Variants in MYO1E observed in about 807,000 individuals in gnomAD.
MYO1E encodes unconventional myosin-Ie.
A neutral mutation model predicts 151.1 loss-of-function variants in MYO1E; 68 were observed. That is an observed-to-expected ratio of 0.45 (90% CI 0.37 to 0.55). The LOEUF (loss-of-function observed/expected upper bound fraction) is 0.55, where lower values mean the gene tolerates loss of function less well. MYO1E is among the 20% of genes least tolerant of loss of function. The pLI is 0.00. For missense variants in MYO1E, 1,363 were observed against 1,389.3 expected, an observed-to-expected ratio of 0.98 and a Z score of 0.30; for synonymous variants, 601 against 501.7, an observed-to-expected ratio of 1.20 and a Z score of -2.64.
chr15:59,280,312 TC>T (rs1390855077), intron 1 of MYO1E, among the ~76,000 whole-genome samples: 1 of 152,234 alleles, frequency 6.6e-6, no homozygotes, highest in Non-Finnish European at 1.5e-5. Flanking sequence ...TTTCACATTT[TC>T]ACATTTTGAA....
intron 4 of MYO1E, among the ~76,000 whole-genome samples, chr15:59,249,071 C>T (rs1180393905): frequency 1.3e-5 from 2 of 152,194 alleles, no homozygotes; most frequent in Non-Finnish European, 1.5e-5. Context: ...ACCTAGGCTT[C>T]CATGGAGCCC....
intron 1 of MYO1E, among the ~76,000 whole-genome samples, chr15:59,291,678 A>G (rs1307331367): frequency 4.2e-5 from 6 of 141,308 alleles, no homozygotes; most frequent in Non-Finnish European, 7.6e-5. Context: ...TCTACTAAAA[A>G]TACTAAAAAA....
intron 1 of MYO1E, among the ~76,000 whole-genome samples, chr15:59,294,939 T>C (rs2080440398): frequency 6.6e-6 from 1 of 152,156 alleles, no homozygotes; most frequent in Admixed American, 6.5e-5. Context: ...ATGCAAATGC[T>C]ACCTCTTTAA....
At position 59,350,082 on chromosome 15, in the gene MYO1E, TATTA is replaced by T. The variant is rs2080815692; in HGVS notation, c.3+22412_3+22415del. Among the ~76,000 whole-genome samples, 3 of 152,348 alleles carry T rather than the reference TATTA, an allele frequency of 2.0e-5. No homozygotes were observed. Among genetic ancestry groups the T allele is most frequent in the Non-Finnish European group, 2.9e-5 (2 of 68,028 alleles). ...TATCTAAGGCATTTTATAATTTTCT[TATTA>T]ATTGTCAATACATCACCACTTGAAT... On this transcript the variant is annotated intron_variant, in intron 1 of 27. Transcript: ENST00000288235. This position sits in a 1 kb window ranked among gnomAD's most constrained non-coding sequence, Gnocchi z 5.0.
intron 19 of MYO1E, among the ~76,000 whole-genome samples, chr15:59,176,501 G>T (rs1262505416): frequency 2.2e-5 from 3 of 133,712 alleles, no homozygotes; most frequent in African/African-American, 8.5e-5. Flanking sequence ...TTGATCTGTT[G>T]CCCAGGCTGG....
intron 14 of MYO1E, chr15:59,206,598 G>A (rs1482826489): frequency 7.5e-6 from 2 of 264,972 alleles, no homozygotes; most frequent in African/African-American, 2.2e-5. Context: ...GTTAACAGAA[G>A]CATGTTTCCT....
At chr15:59,246,384 G>A (rs529375593) in intron 4 of MYO1E, among the ~76,000 whole-genome samples, 6 of 152,276 alleles carry the variant, frequency 3.9e-5, no homozygotes, top group East Asian at 3.9e-4. Context: ...GATTACAGGC[G>A]TGAGCCACCA....
rs1235201743 is a variant in MYO1E, at chr15:59,224,622, C to T, written c.777+67G>A. Reference sequence around the variant, plus strand: ...CTCTTTGCTTTATTAACCTTCACTGCCCTTTTGGCCACAGGAAATGGCCAG... The same window carrying T: ...CTCTTTGCTTTATTAACCTTCACTGTCCTTTTGGCCACAGGAAATGGCCAG... On this transcript the variant is annotated intron_variant, in intron 8 of 27. Transcript: ENST00000288235. 7 of 1,600,380 alleles carry T rather than the reference C, an allele frequency of 4.4e-6. No individual in the cohort carries two copies. The South Asian group carries it at 6.6e-5, about 15-fold the overall frequency.
chr15:59,339,993 G>A (rs1341581247), intron 1 of MYO1E, among the ~76,000 whole-genome samples: 2 of 151,866 alleles, frequency 1.3e-5, no homozygotes, highest in African/African-American at 4.8e-5. Flanking sequence ...GATTACAGGT[G>A]TCCGCTACCA....
At chr15:59,193,994 G>A (rs2079750312) in intron 17 of MYO1E, among the ~76,000 whole-genome samples, 1 of 152,132 alleles carries the variant, frequency 6.6e-6, no homozygotes, top group Non-Finnish European at 1.5e-5. Flanking sequence ...GGTCAAGATG[G>A]TGAAACCCCA....
At chr15:59,328,819 G>A (rs1307051976) in intron 1 of MYO1E, among the ~76,000 whole-genome samples, 5 of 152,152 alleles carry the variant, frequency 3.3e-5, no homozygotes, top group African/African-American at 9.7e-5. Context: ...GTAGGTCCCA[G>A]GGCTACTTCT....
At chr15:59,154,070 G>A (rs1301308726) in intron 25 of MYO1E, among the ~76,000 whole-genome samples, 1 of 152,200 alleles carries the variant, frequency 6.6e-6, no homozygotes, top group Admixed American at 6.5e-5. Context: ...TTCCCGGGAT[G>A]TGCCCGGAAC....
intron 24 of MYO1E, among the ~76,000 whole-genome samples, chr15:59,158,700 A>T (rs146218641): frequency 5.9e-5 from 9 of 152,348 alleles, no homozygotes; most frequent in African/African-American, 2.2e-4. Context: ...ACATTTAAAC[A>T]TTTGCATTCA....
intron 5 of MYO1E, among the ~76,000 whole-genome samples, chr15:59,234,555 C>T (rs536836940): frequency 6.6e-6 from 1 of 152,154 alleles, no homozygotes; most frequent in Non-Finnish European, 1.5e-5. Context: ...CATGGTGGCT[C>T]ATGCCTGTAA....
chr15:59,260,055 T>C (rs980571445), intron 3 of MYO1E, among the ~76,000 whole-genome samples: 7 of 152,266 alleles, frequency 4.6e-5, no homozygotes, highest in African/African-American at 1.4e-4. Context: ...CTGTTACTAT[T>C]AGCAGTAAAA....
intron 1 of MYO1E, among the ~76,000 whole-genome samples, chr15:59,275,999 C>T (rs1221103342): frequency 2.6e-5 from 4 of 152,194 alleles, no homozygotes; most frequent in African/African-American, 4.8e-5. Flanking sequence ...ATTGTTACCA[C>T]GCACTATCCT....
chr15:59,184,991 T>C (rs2079687120), intron 18 of MYO1E, among the ~76,000 whole-genome samples: 1 of 152,196 alleles, frequency 6.6e-6, no homozygotes, highest in Non-Finnish European at 1.5e-5. Context: ...TTAACTGAGG[T>C]GAGATATCGC....
chr15:59,306,614 G>A (rs1173775124), intron 1 of MYO1E, among the ~76,000 whole-genome samples: 1 of 152,220 alleles, frequency 6.6e-6, no homozygotes, highest in African/African-American at 2.4e-5. Context: ...ATTTGTGAGT[G>A]CCAAGGATTT....
chr15:59,172,081 G>T (rs761770779), intron 21 of MYO1E, 39 bp from the exon 22 acceptor site: 3 of 1,608,266 alleles, frequency 1.9e-6, no homozygotes, highest in Admixed American at 1.7e-5. Flanking sequence ...GACAGGCCAG[G>T]CATGGTGGCT....
Sources: gnomAD v4.1 joint callset for allele counts (sites outside exome capture counted in the v4.1 genomes callset) on GRCh38, gnomAD v4.1.1 for gene constraint, Gnocchi (gnomAD v3.1) non-coding constraint, MANE v1.5 for transcripts, NCBI Gene and HGNC (gene_info 2026-07-23, HGNC 2026-07-21) for gene names.